The following VIPR1 variants were observed in gnomAD, a reference collection of about 807,000 sequenced individuals.
VIPR1 encodes vasoactive intestinal polypeptide receptor 1.
A neutral mutation model predicts 58.8 loss-of-function variants in VIPR1; 59 were observed. The observed-to-expected ratio is 1.00, with a 90% CI of 0.81 to 1.25. The LOEUF (loss-of-function observed/expected upper bound fraction) is 1.25, where lower values mean the gene tolerates loss of function less well. VIPR1 is among the 50% of genes most tolerant of loss of function. The probability of loss-of-function intolerance (pLI) is 0.00; values close to 1 mark genes in which losing one functional copy is unlikely to be tolerated. For synonymous variants in VIPR1, 251 were observed against 242.1 expected (o/e 1.04, Z -0.34); for missense variants, 626 against 602.7 (o/e 1.04, Z -0.40).
intron 1 of VIPR1, among the ~76,000 whole-genome samples, chr3:42,510,340 G>A (rs1418520106): frequency 6.6e-6 from 1 of 152,112 alleles, no homozygotes; most frequent in Non-Finnish European, 1.5e-5. Context: ...TCCCACCCTG[G>A]AACACTTCCC....
chr3:42,513,133 G>A (rs1700441556), intron 1 of VIPR1, among the ~76,000 whole-genome samples: 1 of 146,222 alleles, frequency 6.8e-6, no homozygotes, highest in Admixed American at 6.7e-5. Context: ...CAGTAGATCT[G>A]GTATAGCTTG....
chr3:42,490,843 A>C (rs1216028933), intron 1 of VIPR1, among the ~76,000 whole-genome samples: 2 of 152,152 alleles, frequency 1.3e-5, no homozygotes, highest in African/African-American at 4.8e-5. Flanking sequence ...GTACAGACTG[A>C]AAAGCAGCAG....
intron 3 of VIPR1, among the ~76,000 whole-genome samples, chr3:42,520,696 G>A (rs1004746569): frequency 3.9e-5 from 6 of 152,082 alleles, no homozygotes; most frequent in African/African-American, 9.7e-5. Context: ...TTCAGAGAGC[G>A]AACAGAACTC....
intron 3 of VIPR1, chr3:42,519,633 C>A: frequency 4.2e-6 from 1 of 237,968 alleles, no homozygotes; most frequent in Non-Finnish European, 8.1e-6. Flanking sequence ...TTGGGCTGGT[C>A]TTGATTCAGT....
chr3:42,496,646 C>T (rs1699769389), intron 1 of VIPR1, among the ~76,000 whole-genome samples: 1 of 152,216 alleles, frequency 6.6e-6, no homozygotes, highest in South Asian at 2.1e-4. Flanking sequence ...TTTATATCTT[C>T]TTGAAAGACT....
chr3:42,519,385 T>TTC, intron 3 of VIPR1, 55 bp downstream of exon 3: 1 of 1,486,164 alleles, frequency 6.7e-7, no homozygotes. Context: ...GAGTGGGGAC[T>TTC]CACCTCTCAA....
chr3:42,492,699 G>A (rs1468481301), intron 1 of VIPR1, among the ~76,000 whole-genome samples: 1 of 152,220 alleles, frequency 6.6e-6, no homozygotes, highest in Non-Finnish European at 1.5e-5. Context: ...TTGTTTTCAA[G>A]TGCCAAGCCT....
intron 10 of VIPR1, 107 bp from the exon 11 acceptor site, chr3:42,534,868 G>A (rs1577261535): frequency 2.1e-6 from 3 of 1,424,576 alleles, no homozygotes; most frequent in East Asian, 2.3e-5. Flanking sequence ...CATACTTCCT[G>A]GTCATTGTCC....
At position 42,536,625 on chromosome 3, in the gene VIPR1, A is replaced by G. The variant is rs111534730; in HGVS notation, c.*344A>G. 8.8e-3 allele frequency: 1,890 copies of G among 215,418 alleles called. 44 individuals are homozygous for G. Among genetic ancestry groups the G allele is most frequent in the African/African-American group, 0.04 (1,775 of 43,852 alleles). The allele number at this position is 215,418 out of a possible 1,614,324, so 13.3% of individuals were successfully genotyped here. A position where few individuals can be genotyped will look rare whatever the true frequency, so the allele number is the denominator to read the frequency against. ...TGCCCCCTGCTGGCTCTTCTGCCCA[A>G]TTGGAGGAAAGCAACCGGTGGATCC... is the stretch of plus-strand genomic sequence containing the variant. On this transcript the variant is annotated 3_prime_UTR_variant, in exon 13 of 13. Transcript: ENST00000325123.
At chr3:42,531,999 A>T in intron 9 of VIPR1, 130 bp downstream of exon 9, 1 of 1,091,384 alleles carries the variant, frequency 9.2e-7, no homozygotes, top group Non-Finnish European at 1.4e-6. Flanking sequence ...CCAATGCAGG[A>T]TCATCCCCAC....
intron 1 of VIPR1, among the ~76,000 whole-genome samples, chr3:42,503,454 T>C (rs1388963275): frequency 6.6e-6 from 1 of 152,164 alleles, no homozygotes; most frequent in Non-Finnish European, 1.5e-5. Flanking sequence ...TGGAGAGAGC[T>C]GAGCAGGGAG....
intron 1 of VIPR1, among the ~76,000 whole-genome samples, chr3:42,509,949 T>C (rs181340980): frequency 1.3e-5 from 2 of 152,348 alleles, no homozygotes; most frequent in Non-Finnish European, 2.9e-5. Flanking sequence ...CCCCACCACC[T>C]GCAACCTGAG....
At position 42,536,407 on chromosome 3, in the gene VIPR1, G is replaced by A; in HGVS notation, c.*126G>A. The stretch of plus-strand genomic sequence containing the variant: ...GCCCTGGGCTCGGAGGCTGCCCCCG[G>A]CCCCCTGGTCTCTGGTCCGGACACT... On this transcript the variant is annotated 3_prime_UTR_variant, in exon 13 of 13. Transcript: ENST00000325123. 3.8e-6 allele frequency: 4 copies of A among 1,064,494 alleles called. No individual in the cohort carries two copies. Among genetic ancestry groups the A allele is most frequent in the East Asian group, 2.8e-5 (1 of 35,710 alleles). The allele number at this position is 1,064,494 out of a possible 1,614,324, so 65.9% of individuals were successfully genotyped here. A position where few individuals can be genotyped will look rare whatever the true frequency, so the allele number is the denominator to read the frequency against.
chr3:42,526,086 T>A (rs1005773755), intron 4 of VIPR1, 93 bp downstream of exon 4: 26 of 1,255,412 alleles, frequency 2.1e-5, no homozygotes, highest in Admixed American at 1.2e-4. Flanking sequence ...GGTTGCTGTC[T>A]GTGTGGGAAC....
intron 8 of VIPR1, 35 bp downstream of exon 8, chr3:42,531,566 A>T (rs748658123): frequency 6.3e-7 from 1 of 1,589,736 alleles, no homozygotes; most frequent in Admixed American, 1.8e-5. Flanking sequence ...CCCGGCCGCC[A>T]TCACTTGGGC....
rs148054338 is a variant in VIPR1, at chr3:42,532,326, C to T, written c.1003C>T (p.Pro335Ser). The change falls in exon 10 of 13, where the codon CCA (proline) becomes TCA (serine). Residue 335 changes from proline (P) to serine (S), a missense_variant. By Grantham distance (74) the Pro-to-Ser change is moderately conservative. Transcript: ENST00000325123. ...AGATATCAGGAAGAGTGACAGCAGT[C>T]CATACTCGTGAGTGTGGGCCTAGTG... ...PPDIRKSDSSPYSRLARSTLL... is the reference protein window; with the variant it reads ...PPDIRKSDSSSYSRLARSTLL... The T allele has an allele frequency of 4.3e-6, 7 of 1,613,978 alleles. No homozygotes were observed. The highest frequency in any genetic ancestry group is 5.1e-6 in the Non-Finnish European group (6 of 1,179,972).
chr3:42,491,128 A>AAAG (rs1699657307), intron 1 of VIPR1, among the ~76,000 whole-genome samples: 1 of 152,234 alleles, frequency 6.6e-6, no homozygotes, highest in Admixed American at 6.5e-5. Flanking sequence ...AGTTTCTTCA[A>AAAG]AAGAGAGCCT....
At chr3:42,514,541 CCACACACA>C (rs111610459) in intron 2 of VIPR1, among the ~76,000 whole-genome samples, 4 of 144,174 alleles carry the variant, frequency 2.8e-5, no homozygotes, top group Middle Eastern at 7.1e-3. Flanking sequence ...GATAGTGACA[CCACACACA>C]CACACACACA....
upstream of VIPR1, among the ~76,000 whole-genome samples, chr3:42,498,278 C>A (rs546886138): frequency 1.2e-3 from 178 of 152,316 alleles, no homozygotes; most frequent in African/African-American, 4.0e-3. Context: ...AATGCTCTTC[C>A]CAGACAGCCC....
Sources: gnomAD v4.1 joint callset for allele counts (sites outside exome capture counted in the v4.1 genomes callset) on GRCh38, gnomAD v4.1.1 for gene constraint, MANE v1.5 for transcripts, NCBI Gene and HGNC (gene_info 2026-07-23, HGNC 2026-07-21) for gene names.